The following ZFP90 variants were observed in gnomAD, a reference collection of about 807,000 sequenced individuals.
ZFP90 encodes the protein ZFP90 zinc finger protein.
ZFP90 carries 38 observed loss-of-function variants against 60.8 expected under a neutral mutation model. That is an observed-to-expected ratio of 0.62 (90% CI 0.48 to 0.82). The LOEUF is 0.82. ZFP90 is among the 40% of genes least tolerant of loss of function. ZFP90 has a pLI of 0.00. For missense variants in ZFP90, 711 were observed against 759.1 expected (o/e 0.94, Z 0.74); for synonymous variants, 287 against 264.8 (o/e 1.08, Z -0.82).
Position 68,565,782 on chromosome 16 carries a change from C to G in ZFP90, c.*1084C>G, listed in dbSNP as rs2091517338. 1.0e-6 allele frequency: 1 copy of G among 985,416 alleles called. No individual in the cohort carries two copies. Among genetic ancestry groups the G allele is most frequent in the Middle Eastern group, 5.2e-4 (1 of 1,914 alleles). 61.0% of individuals were successfully genotyped at this position (985,416 alleles called of 1,614,324 possible). A position where few individuals can be genotyped will look rare whatever the true frequency, so the allele number is the denominator to read the frequency against. The stretch of plus-strand genomic sequence containing the variant: ...AAATTTTGCCTTGTACTCAGAGAAG[C>G]AACATGCACTGGCTCATTTTATGTG... On this transcript the variant is annotated 3_prime_UTR_variant, in exon 5 of 5. Transcript: ENST00000563169.
chr16:68,569,136 C>CT (rs35827680), downstream of ZFP90, among the ~76,000 whole-genome samples: 488 of 123,022 alleles, frequency 4.0e-3, 14 homozygotes, highest in Middle Eastern at 0.02. Flanking sequence ...ATTAGTCCCA[C>CT]TTTTTTTTTT....
intron 2 of ZFP90, among the ~76,000 whole-genome samples, chr16:68,543,562 TTTTC>T (rs1445248661): frequency 1.4e-5 from 1 of 71,226 alleles, no homozygotes. Context: ...ATTTGCCTTT[TTTTC>T]TTTTTTTTTT....
Position 68,542,211 on chromosome 16 carries a change from G to A in ZFP90, c.33+2386G>A, listed in dbSNP as rs564831021. ...GAGAGCTGGTGTCAAGTGTTGTTGCGGAGGTCCAGAGGCTGCTTGGAGTTG... is the reference window on the plus strand; with the variant it reads ...GAGAGCTGGTGTCAAGTGTTGTTGCAGAGGTCCAGAGGCTGCTTGGAGTTG... On this transcript the variant is annotated intron_variant, in intron 2 of 4. Coordinates refer to ENST00000563169, the MANE Select transcript of ZFP90 (RefSeq NM_001305203.2). 1.2e-4 allele frequency among the ~76,000 whole-genome samples: 18 copies of A among 152,294 alleles called. No homozygotes were observed. In the South Asian group the frequency reaches 2.1e-3, roughly 18 times the overall value.
chr16:68,547,294 G>A (rs1175513911), intron 2 of ZFP90, among the ~76,000 whole-genome samples: 1 of 152,156 alleles, frequency 6.6e-6, no homozygotes, highest in African/African-American at 2.4e-5. Flanking sequence ...CTTGATAGTA[G>A]CCATCCTAAC....
chr16:68,561,360 T>G (rs749447137), intron 4 of ZFP90, among the ~76,000 whole-genome samples: 3 of 152,354 alleles, frequency 2.0e-5, no homozygotes, highest in Non-Finnish European at 2.9e-5. Context: ...TCTCTTAATA[T>G]TCTCTGTATG....
chr16:68,562,662 A>G (rs2091455740), intron 4 of ZFP90: 1 of 279,174 alleles, frequency 3.6e-6, no homozygotes, highest in African/African-American at 2.2e-5. Context: ...TATGAAATGG[A>G]TATATTAGGA....
intron 2 of ZFP90, among the ~76,000 whole-genome samples, chr16:68,542,169 G>A (rs551324255): frequency 3.9e-5 from 6 of 152,298 alleles, no homozygotes; most frequent in African/African-American, 1.4e-4. Context: ...ACAGTCTCCT[G>A]CAGAAGTAGA....
At position 68,565,344 on chromosome 16, in the gene ZFP90, AAAAT is replaced by A; in HGVS notation, c.*651_*654del. 5 of 985,602 alleles carry A rather than the reference AAAAT, an allele frequency of 5.1e-6. No individual in the cohort carries two copies. Among genetic ancestry groups the A allele is most frequent in the Non-Finnish European group, 6.0e-6 (5 of 829,946 alleles). The allele number at this position is 985,602 out of a possible 1,614,324, so 61.1% of individuals were successfully genotyped here. On this transcript the variant is annotated 3_prime_UTR_variant, in exon 5 of 5. Coordinates refer to ENST00000563169, the MANE Select transcript of ZFP90 (RefSeq NM_001305203.2). ...GTTATTTTTGGACTCAGAGGGCTTT[AAAAT>A]AAATTTTAAGATGTATCAGATACAC... is the stretch of plus-strand genomic sequence containing the variant.
downstream of ZFP90, among the ~76,000 whole-genome samples, chr16:68,569,564 C>G (rs1461443775): frequency 1.3e-5 from 2 of 152,154 alleles, no homozygotes; most frequent in Non-Finnish European, 2.9e-5. Context: ...CCAGTCCTCA[C>G]TCAGCTGGTG....
intron 2 of ZFP90, among the ~76,000 whole-genome samples, chr16:68,551,089 TG>T (rs1339072957): frequency 6.6e-6 from 1 of 152,218 alleles, no homozygotes. Flanking sequence ...GATACCACAC[TG>T]TATTGCCGTA....
Position 68,564,092 on chromosome 16 carries a change from ATC to A in ZFP90, c.1310_1311del (p.Leu437HisfsTer4), listed in dbSNP as rs2091479988. 6.2e-7 allele frequency: 1 copy of A among 1,614,150 alleles called. No homozygotes were observed. The highest frequency in any genetic ancestry group is 8.5e-7 in the Non-Finnish European group (1 of 1,180,016). ...ACAGCATAGATTTCAAGCACAGCAC[ATC>A]TCTCACTCAAGATGAAAGCACTCTT... ...NYSIDFKHST[S>X]LTQDESTLTE... is the part of the protein sequence containing the mutation. On this transcript the variant is annotated frameshift_variant, in exon 5 of 5. Transcript: ENST00000563169. LOFTEE classifies it high-confidence loss of function.
chr16:68,546,117 G>T (rs922513624), intron 2 of ZFP90, among the ~76,000 whole-genome samples: 1 of 152,220 alleles, frequency 6.6e-6, no homozygotes, highest in African/African-American at 2.4e-5. Flanking sequence ...GGAGGTTGCA[G>T]TGAGCTGAGA....
At chr16:68,541,269 G>C (rs2463644) in intron 2 of ZFP90, among the ~76,000 whole-genome samples, 122,636 of 151,812 alleles carry the variant, frequency 0.81, 49,764 homozygotes, top group African/African-American at 0.89. Context: ...AACTCCTGAC[G>C]TCAATTGATC....
Position 68,558,259 on chromosome 16 carries a change from C to T in ZFP90, c.160+135C>T. On this transcript the variant is annotated intron_variant, in intron 3 of 4. Coordinates refer to ENST00000563169, the MANE Select transcript of ZFP90 (RefSeq NM_001305203.2). ...TCAGAGCTTGTTAATCTCATTGGGA[C>T]CCAGTTTTATGGGGTTTTGAGCCTG... The T allele has an allele frequency of 6.4e-6, 9 of 1,396,114 alleles. No homozygotes were observed. The South Asian group carries it at 9.7e-5, about 15-fold the overall frequency. 86.5% of individuals were successfully genotyped at this position (1,396,114 alleles called of 1,614,324 possible).
At chr16:68,560,922 C>T (rs1039306772) in intron 4 of ZFP90, among the ~76,000 whole-genome samples, 1 of 148,902 alleles carries the variant, frequency 6.7e-6, no homozygotes, top group African/African-American at 2.5e-5. Context: ...CACTCTGTCA[C>T]CCAGGCTGGA....
chr16:68,552,883 C>G (rs7195653), intron 2 of ZFP90, among the ~76,000 whole-genome samples: 7,873 of 152,018 alleles, frequency 0.052, 558 homozygotes, highest in African/African-American at 0.16. Flanking sequence ...ATAGAGAAAC[C>G]CTATCTCTAC....
intron 2 of ZFP90, among the ~76,000 whole-genome samples, chr16:68,551,176 C>G (rs1312970954): frequency 6.6e-6 from 1 of 152,124 alleles, no homozygotes; most frequent in Non-Finnish European, 1.5e-5. Context: ...CCCATCTGCT[C>G]ATAAAACTCT....
At chr16:68,537,680 C>T (rs959440245), upstream of ZFP90, among the ~76,000 whole-genome samples, 11 of 151,966 alleles carry the variant, frequency 7.2e-5, no homozygotes, top group Admixed American at 2.0e-4. Context: ...ATCTTCCCAC[C>T]TCAGCCTCCC....
At chr16:68,534,633 C>T (rs1433785613), upstream of ZFP90, among the ~76,000 whole-genome samples, 2 of 151,668 alleles carry the variant, frequency 1.3e-5, no homozygotes, top group East Asian at 2.0e-4. Flanking sequence ...CAGCCGGGCA[C>T]AGTGGCTCAC....
Sources: gnomAD v4.1 joint callset for allele counts (sites outside exome capture counted in the v4.1 genomes callset) on GRCh38, gnomAD v4.1.1 for gene constraint, MANE v1.5 for transcripts, NCBI Gene and HGNC (gene_info 2026-07-23, HGNC 2026-07-21) for gene names.